Variants in AGPAT3 observed in about 807,000 individuals in gnomAD.
AGPAT3 encodes 1-acyl-sn-glycerol-3-phosphate acyltransferase gamma.
In AGPAT3, 5 loss-of-function variants were observed where a neutral mutation model predicts 47.3. That is an observed-to-expected ratio of 0.11 (90% CI 0.06 to 0.22). AGPAT3 has a LOEUF of 0.22. Among genes scored for constraint, AGPAT3 ranks in the 10% least tolerant of loss-of-function variants. The pLI is 1.00. For synonymous variants in AGPAT3, 212 were observed against 208.3 expected (o/e 1.02, Z -0.15); for missense variants, 315 against 493.0 (o/e 0.64, Z 3.42).
intron 1 of AGPAT3, among the ~76,000 whole-genome samples, chr21:43,891,240 G>T (rs1441398334): frequency 6.6e-6 from 1 of 152,208 alleles, no homozygotes; most frequent in African/African-American, 2.4e-5. Context: ...TCAAGTTTAT[G>T]TAACACTCTG....
intron 1 of AGPAT3, among the ~76,000 whole-genome samples, chr21:43,883,939 G>A (rs1196914674): frequency 2.0e-5 from 3 of 151,824 alleles, no homozygotes; most frequent in Non-Finnish European, 4.4e-5. Flanking sequence ...CATGTTGGTC[G>A]GGCTGGTCTT....
intron 1 of AGPAT3, among the ~76,000 whole-genome samples, chr21:43,898,746 T>C (rs577050735): frequency 2.0e-5 from 3 of 152,236 alleles, no homozygotes; most frequent in Non-Finnish European, 4.4e-5. Flanking sequence ...AGGCTGATCT[T>C]GAACTCCTGA....
rs558666864 is a variant in AGPAT3 at position 43,898,742 on chromosome 21, A to C, written c.-111-5215A>C. ...GGGTTTCTCCATGTTGGCCAGGCTG[A>C]TCTTGAACTCCTGACCTCAGGTGAT... On this transcript the variant is annotated intron_variant, in intron 1 of 9. Transcript: ENST00000291572. 1.8e-3 allele frequency among the ~76,000 whole-genome samples: 271 copies of C among 152,230 alleles called. 1 individual carries two copies. Among genetic ancestry groups the C allele is most frequent in the Middle Eastern group, 3.4e-3 (1 of 294 alleles).
In AGPAT3 at chr21:43,983,020, C is replaced by G. The variant is rs1046714896; in HGVS notation, c.*628C>G. ...GAGGGCGAACGCCCCACCTCACTTT[C>G]TAGAGCCCTGTCTGTCCTAGCTCCT... is the stretch of plus-strand genomic sequence containing the variant. On this transcript the variant is annotated 3_prime_UTR_variant, in exon 10 of 10. Coordinates refer to ENST00000291572, the MANE Select transcript of AGPAT3 (RefSeq NM_020132.5). 2.6e-5 allele frequency: 4 copies of G among 152,564 alleles called. No homozygotes were observed. Among genetic ancestry groups the G allele is most frequent in the Non-Finnish European group, 5.9e-5 (4 of 68,308 alleles). 9.5% of individuals were successfully genotyped at this position (152,564 alleles called of 1,614,324 possible).
At chr21:43,941,704 G>A (rs2087661118) in intron 2 of AGPAT3, among the ~76,000 whole-genome samples, 1 of 152,268 alleles carries the variant, frequency 6.6e-6, no homozygotes, top group South Asian at 2.1e-4. Context: ...TACCGCGAGT[G>A]TGACGGGGGC....
At chr21:43,895,678 C>T (rs369423806) in intron 1 of AGPAT3, among the ~76,000 whole-genome samples, 3 of 152,166 alleles carry the variant, frequency 2.0e-5, no homozygotes, top group Non-Finnish European at 2.9e-5. Flanking sequence ...ACCTCCACCT[C>T]GTGGGTTCAA....
At chr21:43,865,616 C>T (rs2085487090) in intron 1 of AGPAT3, among the ~76,000 whole-genome samples, 1 of 150,718 alleles carries the variant, frequency 6.6e-6, no homozygotes, top group Non-Finnish European at 1.5e-5. Context: ...GCGCGAGGCC[C>T]CGGCCGCTTC....
rs1283470638 is a variant in AGPAT3, at chr21:43,952,210, A to G, written c.-48-7424A>G. The stretch of plus-strand genomic sequence containing the variant: ...GTCGTCCTGTGGTCCTGGAGGCTGC[A>G]GGTCCAAGGTCAAGGATTCCTTCTG... On this transcript the variant is annotated intron_variant, in intron 2 of 9. Transcript: ENST00000291572. The surrounding 1 kb of genome is among the most constrained non-coding windows in gnomAD (Gnocchi z 5.6). 2.6e-5 allele frequency among the ~76,000 whole-genome samples: 4 copies of G among 152,098 alleles called. No homozygotes were observed. Among genetic ancestry groups the G allele is most frequent in the Admixed American group, 2.6e-4 (4 of 15,280 alleles).
chr21:43,974,663 G>A (rs1399022146), intron 7 of AGPAT3, among the ~76,000 whole-genome samples: 1 of 151,790 alleles, frequency 6.6e-6, no homozygotes, highest in Non-Finnish European at 1.5e-5. Context: ...AATTATAAAT[G>A]TGTGTGTGGT....
In AGPAT3 at chr21:43,933,763, C is replaced by A. The variant is rs1158251232; in HGVS notation, c.-48-25871C>A. On this transcript the variant is annotated intron_variant, in intron 2 of 9. Transcript: ENST00000291572. This position sits in a 1 kb window ranked among gnomAD's most constrained non-coding sequence, Gnocchi z 6.0. ...CGCCGCATACCAGATGCCCAGAGGC[C>A]CCGGCGGCCTCCATCCAAGCACAGG... Among the ~76,000 whole-genome samples the A allele has an allele frequency of 2.0e-5, 3 of 151,870 alleles. No homozygotes were observed. Among genetic ancestry groups the A allele is most frequent in the Non-Finnish European group, 2.9e-5 (2 of 67,956 alleles).
chr21:43,982,199 A>G lies in AGPAT3; in HGVS notation c.1043-105A>G. On this transcript the variant is annotated intron_variant, in intron 9 of 9. Transcript: ENST00000291572. This position sits in a 1 kb window ranked among gnomAD's most constrained non-coding sequence, Gnocchi z 6.2. ...GCAGAGGCCACTGGGTGCGGGGCAGAGGGACAGGGTCTGGGGCAGAGGAAG... is the reference window on the plus strand; with the variant it reads ...GCAGAGGCCACTGGGTGCGGGGCAGGGGGACAGGGTCTGGGGCAGAGGAAG... 13 of 811,926 alleles carry G rather than the reference A, an allele frequency of 1.6e-5. No individual in the cohort carries two copies. The South Asian group carries it at 2.0e-4, about 13-fold the overall frequency. 50.3% of individuals were successfully genotyped at this position (811,926 alleles called of 1,614,324 possible).
chr21:43,900,252 G>A (rs1418026490), intron 1 of AGPAT3, among the ~76,000 whole-genome samples: 1 of 152,226 alleles, frequency 6.6e-6, no homozygotes, highest in African/African-American at 2.4e-5. Flanking sequence ...TTCTGGATGA[G>A]TGAAAACCTG....
chr21:43,963,543 C>G (rs1191785631), intron 3 of AGPAT3, among the ~76,000 whole-genome samples: 1 of 151,936 alleles, frequency 6.6e-6, no homozygotes, highest in Admixed American at 6.6e-5. Context: ...AACCCCATCT[C>G]TACTAAAAAT....
At chr21:43,927,002 GAGAC>G (rs1269205782) in intron 2 of AGPAT3, among the ~76,000 whole-genome samples, 4 of 127,464 alleles carry the variant, frequency 3.1e-5, no homozygotes, top group African/African-American at 1.2e-4. Flanking sequence ...AAAAAAAAAA[GAGAC>G]AGGGTTTTGC....
chr21:43,875,846 G>C (rs1417396880), intron 1 of AGPAT3, among the ~76,000 whole-genome samples: 2 of 152,278 alleles, frequency 1.3e-5, no homozygotes, highest in African/African-American at 4.8e-5. Context: ...GACCTCAGGT[G>C]ATCCACCTGG....
At chr21:43,927,140 G>A (rs925086198) in intron 2 of AGPAT3, among the ~76,000 whole-genome samples, 1 of 152,160 alleles carries the variant, frequency 6.6e-6, no homozygotes, top group African/African-American at 2.4e-5. Context: ...TGGGGATGGA[G>A]ACGGGGTGAG....
chr21:43,970,787 C>T lies in AGPAT3; in HGVS notation c.645C>T (p.Val215=), dbSNP rs2089361224. Residue 215 remains valine (V), a synonymous_variant, in exon 6 of 10, where the codon GTC becomes GTT. Transcript: ENST00000291572. The surrounding 1 kb of genome is among the most constrained non-coding windows in gnomAD (Gnocchi z 5.8). ...GGACCAAGGGCTTCACCACCGCAGT[C>T]AAGTGCCTCCGGGGGACAGGTAGGC... ...LPRTKGFTTA[V]KCLRGTVAAV... is the part of the protein sequence containing the mutation. 6.3e-7 allele frequency: 1 copy of T among 1,589,982 alleles called. No homozygotes were observed. The highest frequency in any genetic ancestry group is 1.1e-5 in the South Asian group (1 of 89,348).
intron 1 of AGPAT3, among the ~76,000 whole-genome samples, chr21:43,877,675 C>G (rs919109795): frequency 1.3e-5 from 2 of 152,080 alleles, no homozygotes; most frequent in Non-Finnish European, 2.9e-5. Flanking sequence ...AACTCCCGAC[C>G]TCGGGTGATC....
In AGPAT3 at chr21:43,924,277, G is replaced by A. The variant is rs570531090; in HGVS notation, c.-49+20258G>A. Among the ~76,000 whole-genome samples the A allele has an allele frequency of 2.6e-5, 4 of 151,772 alleles. No homozygotes were observed. The South Asian group carries it at 6.2e-4, about 24-fold the overall frequency. On this transcript the variant is annotated intron_variant, in intron 2 of 9. Transcript: ENST00000291572. ...CCTGACCTCGTGACCCGCCCGCCTC[G>A]GCCTCCCAAAGTGCTGGGATTACAG...
Sources: gnomAD v4.1 joint callset for allele counts (sites outside exome capture counted in the v4.1 genomes callset) on GRCh38, gnomAD v4.1.1 for gene constraint, Gnocchi (gnomAD v3.1) non-coding constraint, MANE v1.5 for transcripts, NCBI Gene and HGNC (gene_info 2026-07-23, HGNC 2026-07-21) for gene names.